CENPW: variants seen among roughly 807,000 people sequenced by gnomAD.
CENPW encodes cancer-up-regulated gene 2 protein.
A neutral mutation model predicts 11.1 loss-of-function variants in CENPW; 3 were observed. The observed-to-expected ratio is 0.27, with a 90% confidence interval of 0.12 to 0.70. CENPW has a LOEUF of 0.70. Among genes scored for constraint, CENPW ranks in the 30% least tolerant of loss-of-function variants. The pLI is 0.77. For missense variants in CENPW, 100 were observed against 105.6 expected (o/e 0.95, Z 0.23); for synonymous variants, 38 against 42.0 (o/e 0.91, Z 0.37).
the CENPW span, among the ~76,000 whole-genome samples, chr6:126,440,625 TCAAA>T: frequency 6.9e-3 from 1,048 of 151,626 alleles, 13 homozygotes; most frequent in African/African-American, 0.024. Flanking sequence ...AAGGATCATA[TCAAA>T]CAAACTGAAC....
the CENPW span, among the ~76,000 whole-genome samples, chr6:126,478,814 C>G: frequency 1.3e-5 from 2 of 152,084 alleles, no homozygotes; most frequent in South Asian, 2.1e-4. Flanking sequence ...ATCCTCTTGG[C>G]TCTTTCTTAC....
At chr6:126,460,135 T>C in the CENPW span, among the ~76,000 whole-genome samples, 1 of 151,676 alleles carries the variant, frequency 6.6e-6, no homozygotes, top group African/African-American at 2.4e-5. Flanking sequence ...AGTTCATTAT[T>C]TATCTTGAAA....
chr6:126,413,208 G>T, the CENPW span, among the ~76,000 whole-genome samples: 1 of 151,978 alleles, frequency 6.6e-6, no homozygotes, highest in Non-Finnish European at 1.5e-5. Flanking sequence ...AGAGAAATTT[G>T]GACATCCATA....
chr6:126,366,598 A>G, the CENPW span, among the ~76,000 whole-genome samples: 3 of 152,148 alleles, frequency 2.0e-5, no homozygotes, highest in African/African-American at 7.2e-5. Flanking sequence ...TTTAAAATAT[A>G]TATCATATAC....
At chr6:126,450,585 T>C in the CENPW span, among the ~76,000 whole-genome samples, 1 of 151,088 alleles carries the variant, frequency 6.6e-6, no homozygotes, top group Non-Finnish European at 1.5e-5. Flanking sequence ...TAGATATCCT[T>C]TGCTTTTTTT....
At chr6:126,424,623 A>G in the CENPW span, among the ~76,000 whole-genome samples, 9 of 152,178 alleles carry the variant, frequency 5.9e-5, no homozygotes, top group East Asian at 1.4e-3. Context: ...GAAAAGATCA[A>G]TCCAGATCTG....
downstream of CENPW, among the ~76,000 whole-genome samples, chr6:126,349,691 A>T (rs185044820): frequency 1.3e-5 from 2 of 152,244 alleles, no homozygotes; most frequent in East Asian, 3.9e-4. Context: ...CACAGTTTGT[A>T]TAACTATTCA....
the CENPW span, among the ~76,000 whole-genome samples, chr6:126,478,310 C>G: frequency 1.3e-5 from 2 of 151,750 alleles, no homozygotes; most frequent in East Asian, 1.9e-4. Flanking sequence ...AGCAAAAAGA[C>G]AAGCACTTCA....
At chr6:126,417,614 G>A in the CENPW span, among the ~76,000 whole-genome samples, 1 of 152,220 alleles carries the variant, frequency 6.6e-6, no homozygotes, top group East Asian at 1.9e-4. Context: ...AGATCTGATG[G>A]CTTTATAAAG....
the CENPW span, among the ~76,000 whole-genome samples, chr6:126,441,354 A>T: frequency 6.6e-6 from 1 of 151,326 alleles, no homozygotes; most frequent in Admixed American, 6.6e-5. Flanking sequence ...GCCAAACAGA[A>T]TTTTTTGTTC....
the CENPW span, among the ~76,000 whole-genome samples, chr6:126,369,709 T>A: frequency 6.6e-6 from 1 of 152,226 alleles, no homozygotes; most frequent in Non-Finnish European, 1.5e-5. Context: ...TTGCAAAGAT[T>A]TTCTCCCACT....
the CENPW span, among the ~76,000 whole-genome samples, chr6:126,462,711 TA>T: frequency 6.6e-6 from 1 of 151,846 alleles, no homozygotes; most frequent in Admixed American, 6.6e-5. Context: ...ATTATTTATT[TA>T]AAAAAACAAC....
At chr6:126,438,044 A>C in the CENPW span, among the ~76,000 whole-genome samples, 1 of 151,412 alleles carries the variant, frequency 6.6e-6, no homozygotes, top group Non-Finnish European at 1.5e-5. Flanking sequence ...TCCAACAGAG[A>C]GACCTTTAAA....
chr6:126,455,699 A>C, the CENPW span, among the ~76,000 whole-genome samples: 1 of 151,444 alleles, frequency 6.6e-6, no homozygotes, highest in Non-Finnish European at 1.5e-5. Flanking sequence ...TCTTCAACAT[A>C]GTAATGGAAG....
chr6:126,364,846 A>G, the CENPW span, among the ~76,000 whole-genome samples: 3 of 152,340 alleles, frequency 2.0e-5, no homozygotes, highest in South Asian at 6.2e-4. Context: ...GGCAATCATA[A>G]TGGAGTAAAA....
the CENPW span, among the ~76,000 whole-genome samples, chr6:126,398,688 G>C: frequency 6.6e-6 from 1 of 151,828 alleles, no homozygotes; most frequent in African/African-American, 2.4e-5. Flanking sequence ...TAGGTTCAGG[G>C]GATACATGTG....
chr6:126,378,033 A>G, the CENPW span, among the ~76,000 whole-genome samples: 1 of 152,212 alleles, frequency 6.6e-6, no homozygotes, highest in Non-Finnish European at 1.5e-5. Context: ...ACGCTCTCGC[A>G]TCTTTAAAAC....
chr6:126,359,562 T>C, the CENPW span, among the ~76,000 whole-genome samples: 1 of 152,154 alleles, frequency 6.6e-6, no homozygotes, highest in Non-Finnish European at 1.5e-5. Flanking sequence ...GTCTAAGTTT[T>C]TTCCTAGGTC....
In CENPW at chr6:126,340,373, C is replaced by T; in HGVS notation, c.100C>T (p.Arg34Cys). 6.2e-7 allele frequency: 1 copy of T among 1,614,162 alleles called. No individual in the cohort carries two copies. Among genetic ancestry groups the T allele is most frequent in the South Asian group, 1.1e-5 (1 of 91,076 alleles). Reference sequence around the variant, plus strand: ...CTTCAAGCGAAAGAAGCCTCAACTTCGTCTGGAGAAAAGTGGTGACTTATT... The same window carrying T: ...CTTCAAGCGAAAGAAGCCTCAACTTTGTCTGGAGAAAAGTGGTGACTTATT... ...RVFKRKKPQL[R>C]LEKSGDLLVH... The change falls in exon 1 of 3, where the codon CGT becomes TGT. Residue 34 changes from arginine (R) to cysteine (C), a missense_variant. Arg to Cys is a radical substitution (Grantham distance 180). Coordinates refer to ENST00000368328, the MANE Select transcript of CENPW (RefSeq NM_001012507.4).
Sources: gnomAD v4.1 joint callset for allele counts (sites outside exome capture counted in the v4.1 genomes callset) on GRCh38, gnomAD v4.1.1 for gene constraint, MANE v1.5 for transcripts, NCBI Gene and HGNC (gene_info 2026-07-23, HGNC 2026-07-21) for gene names.